TTLL7: variants seen among roughly 807,000 people sequenced by gnomAD.
The protein encoded by TTLL7 is tubulin polyglutamylase TTLL7.
Under a neutral mutation model 120.2 loss-of-function variants are expected in TTLL7, and 53 were observed. That is an observed-to-expected ratio of 0.44 (90% CI 0.35 to 0.55). TTLL7 has a LOEUF of 0.55. TTLL7 is among the 20% of genes least tolerant of loss of function. The pLI, the probability that TTLL7 is intolerant of heterozygous loss-of-function variation, is 0.00. For synonymous variants in TTLL7, 353 were observed against 351.7 expected (o/e 1.00, Z -0.04); for missense variants, 803 against 1,054.7 (o/e 0.76, Z 3.31).
intron 14 of TTLL7, among the ~76,000 whole-genome samples, chr1:83,915,157 G>A (rs1658030385): frequency 2.0e-5 from 3 of 151,630 alleles, no homozygotes; most frequent in African/African-American, 7.3e-5. Context: ...TTTTTTTTTA[G>A]TAGGAAGACA....
chr1:83,947,350 T>A, intron 5 of TTLL7, 68 bp from the exon 6 acceptor site: 5 of 1,378,954 alleles, frequency 3.6e-6, no homozygotes, highest in Non-Finnish European at 4.9e-6. Flanking sequence ...TTCTCTGGGC[T>A]ACTGATATTT....
chr1:83,970,544 T>C (rs1395540339), intron 1 of TTLL7, among the ~76,000 whole-genome samples: 2 of 152,080 alleles, frequency 1.3e-5, no homozygotes, highest in African/African-American at 4.8e-5. Flanking sequence ...TGATTTCAAT[T>C]TGGACACGTC....
chr1:83,885,415 G>A (rs1349039784), intron 19 of TTLL7, among the ~76,000 whole-genome samples: 4 of 151,942 alleles, frequency 2.6e-5, no homozygotes, highest in Middle Eastern at 3.4e-3. Flanking sequence ...AGTTAAAAGG[G>A]CTTCTTCTGT....
chr1:83,911,053 G>T, intron 15 of TTLL7, 112 bp downstream of exon 15: 1 of 818,342 alleles, frequency 1.2e-6, no homozygotes. Flanking sequence ...ATGGAATCCA[G>T]GTCTCCTCAC....
chr1:83,974,473 T>C (rs1651277838), intron 1 of TTLL7, among the ~76,000 whole-genome samples: 1 of 151,900 alleles, frequency 6.6e-6, no homozygotes, highest in Non-Finnish European at 1.5e-5. Flanking sequence ...AAGCCCAAAA[T>C]CCAAAACGAT....
chr1:83,930,753 G>A (rs1659527878), intron 9 of TTLL7, among the ~76,000 whole-genome samples: 2 of 152,058 alleles, frequency 1.3e-5, no homozygotes, highest in African/African-American at 4.8e-5. Context: ...ATTCCTCAGA[G>A]TTTCCATTCC....
intron 15 of TTLL7, among the ~76,000 whole-genome samples, chr1:83,909,468 T>A (rs987722671): frequency 6.6e-6 from 1 of 151,936 alleles, no homozygotes; most frequent in Non-Finnish European, 1.5e-5. Flanking sequence ...TTGTCCTTGA[T>A]CATCAGCACT....
chr1:83,951,222 G>T (rs535321538), intron 3 of TTLL7, among the ~76,000 whole-genome samples: 21 of 152,104 alleles, frequency 1.4e-4, no homozygotes, highest in African/African-American at 5.1e-4. Context: ...GGTGGCGGGC[G>T]CCTGTAGTCC....
intron 7 of TTLL7, among the ~76,000 whole-genome samples, chr1:83,939,914 G>T (rs2100836913): frequency 6.6e-6 from 1 of 152,186 alleles, no homozygotes; most frequent in Non-Finnish European, 1.5e-5. Flanking sequence ...AATTCTTCCA[G>T]TCTTTTTTCT....
intron 12 of TTLL7, 47 bp downstream of exon 12, chr1:83,921,040 T>C (rs769447039): frequency 5.2e-6 from 8 of 1,530,166 alleles, no homozygotes; most frequent in Non-Finnish European, 6.2e-6. Flanking sequence ...AATCATTGCT[T>C]TGATACTTCA....
intron 5 of TTLL7, chr1:83,947,529 T>G (rs373258170): frequency 2.7e-6 from 1 of 366,876 alleles, no homozygotes; most frequent in Non-Finnish European, 4.8e-6. Context: ...AATTTACATA[T>G]TAGTACATCA....
intron 19 of TTLL7, chr1:83,887,071 T>G (rs765436180): frequency 1.4e-5 from 3 of 212,416 alleles, no homozygotes; most frequent in Non-Finnish European, 2.7e-5. Context: ...GGGTGTTTTC[T>G]GTTTGATACA....
At position 83,942,534 on chromosome 1, in the gene TTLL7, T is replaced by C. The variant is rs141235709; in HGVS notation, c.652A>G (p.Ile218Val). The change falls in exon 7 of 21, where the codon ATA (isoleucine) becomes GTA (valine). Residue 218 changes from isoleucine to valine, a missense_variant. Around this residue, in one of 3 missense-constraint regions of TTLL7, gnomAD observed 324 missense variants for 507.7 expected, o/e 0.64. Transcript: ENST00000260505. ...ACAAGCCCATCATGGTAGAGAAATA[T>C]TTTTAGTGGATCACACGATGTAACC... ...ILVTSCDPLK[I>V]FLYHDGLVRM... is the part of the protein sequence containing the mutation. The C allele has an allele frequency of 1.2e-5, 19 of 1,614,056 alleles. No individual in the cohort carries two copies. In the African/African-American group the frequency reaches 2.3e-4, roughly 19 times the overall value.
At chr1:83,872,496 C>T (rs1653523073) in intron 20 of TTLL7, among the ~76,000 whole-genome samples, 1 of 152,304 alleles carries the variant, frequency 6.6e-6, no homozygotes, top group African/African-American at 2.4e-5. Context: ...GGTGTTTTAT[C>T]AAAATCCACT....
chr1:83,987,442 C>T (rs1318580968), intron 1 of TTLL7, among the ~76,000 whole-genome samples: 2 of 151,970 alleles, frequency 1.3e-5, no homozygotes, highest in African/African-American at 4.8e-5. Context: ...GTTACAACAA[C>T]AAAATTCTAC....
At chr1:83,964,574 T>C (rs1356337188) in intron 1 of TTLL7, among the ~76,000 whole-genome samples, 1 of 152,156 alleles carries the variant, frequency 6.6e-6, no homozygotes, top group African/African-American at 2.4e-5. Context: ...TTATTGGGTG[T>C]TCCAGCAAGA....
intron 20 of TTLL7, among the ~76,000 whole-genome samples, chr1:83,871,486 C>T (rs1416150402): frequency 6.6e-6 from 1 of 152,104 alleles, no homozygotes. Context: ...GATAAAGATA[C>T]TTATGAGGAA....
rs573408653 is a variant in TTLL7 at position 83,906,385 on chromosome 1, T to C, written c.2071A>G (p.Met691Val). 6.2e-7 allele frequency: 1 copy of C among 1,612,584 alleles called. No homozygotes were observed. Among genetic ancestry groups the C allele is most frequent in the African/African-American group, 1.3e-5 (1 of 74,960 alleles). ...GACTTTCCTGGAAACCGGATCTTCA[T>C]GTCTTTGAGAACAAATAAGGTCTGA... is the stretch of plus-strand genomic sequence containing the variant. ...TSQTLFVLKD[M>V]KIRFPGKSDA... The change falls in exon 17 of 21, where the codon ATG becomes GTG. Residue 691 changes from methionine (M) to valine (V), a missense_variant. By Grantham distance (21) the Met-to-Val change is conservative. Coordinates refer to ENST00000260505, the MANE Select transcript of TTLL7 (RefSeq NM_024686.6).
intron 20 of TTLL7, among the ~76,000 whole-genome samples, chr1:83,873,091 T>C (rs1653587741): frequency 6.6e-6 from 1 of 152,152 alleles, no homozygotes; most frequent in Non-Finnish European, 1.5e-5. Context: ...TTTTCAGAAA[T>C]ATGAAGTATA....
Sources: allele counts gnomAD v4.1 joint callset (sites outside exome capture counted in the v4.1 genomes callset), GRCh38; gene constraint gnomAD v4.1.1; regional missense constraint gnomAD v4.1.1; transcripts MANE v1.5; gene names NCBI Gene and HGNC (gene_info 2026-07-23, HGNC 2026-07-21).